The following SPICE1 variants were observed in gnomAD, a reference collection of about 807,000 sequenced individuals.
SPICE1 encodes the protein spindle and centriole associated protein 1.
Under a neutral mutation model 102.7 loss-of-function variants are expected in SPICE1, and 75 were observed. The observed-to-expected ratio is 0.73, with a 90% CI of 0.61 to 0.88. SPICE1 has a LOEUF of 0.88. Among genes scored for constraint, SPICE1 ranks in the 40% least tolerant of loss-of-function variants. SPICE1 has a pLI of 0.00. For missense variants in SPICE1, 979 were observed against 1,020.1 expected (o/e 0.96, Z 0.55); for synonymous variants, 308 against 350.3 (o/e 0.88, Z 1.35).
chr3:113,503,792 A>G lies in SPICE1; in HGVS notation c.100-565T>C, dbSNP rs11921249. 8.2e-3 allele frequency among the ~76,000 whole-genome samples: 1,252 copies of G among 151,974 alleles called. 14 individuals carry two copies. Among genetic ancestry groups the G allele is most frequent in the African/African-American group, 0.028 (1,174 of 41,442 alleles). ...TACTAAAAATACAAAAATTAGCCAG[A>G]CCTGGTGGCGGGCACCTGTAATTCC... On this transcript the variant is annotated intron_variant, in intron 2 of 17. Transcript: ENST00000295872.
At position 113,468,182 on chromosome 3, in the gene SPICE1, G is replaced by A. The variant is rs754576117; in HGVS notation, c.1112C>T (p.Ser371Leu). ...CAGGCGACAGAGGGAGCTCACCAGCGACAAAGTGAAGCCTGTAAGACCCTG... is the reference window on the plus strand; with the variant it reads ...CAGGCGACAGAGGGAGCTCACCAGCAACAAAGTGAAGCCTGTAAGACCCTG... ...SSQGLTGFTLSLVSSLCRLVR... is the reference protein window; with the variant it reads ...SSQGLTGFTLLLVSSLCRLVR... Residue 371 changes from serine (S) to leucine (L), a missense_variant, in exon 10 of 18, where the codon TCG becomes TTG. Transcript: ENST00000295872. 4.5e-5 allele frequency: 72 copies of A among 1,614,002 alleles called. 1 individual carries two copies. The highest frequency in any genetic ancestry group is 6.7e-5 in the Admixed American group (4 of 60,008).
chr3:113,499,778 T>C (rs1432952547), intron 3 of SPICE1, among the ~76,000 whole-genome samples, 196 bp from the exon 4 acceptor site: 1 of 152,186 alleles, frequency 6.6e-6, no homozygotes, highest in South Asian at 2.1e-4. Flanking sequence ...AAGCAGTATA[T>C]AGAACTGGTA....
At chr3:113,492,537 T>C (rs926577482) in intron 6 of SPICE1, among the ~76,000 whole-genome samples, 2 of 152,176 alleles carry the variant, frequency 1.3e-5, no homozygotes, top group African/African-American at 2.4e-5. Flanking sequence ...AATTCTCCCA[T>C]ATAACTAGTT....
intron 17 of SPICE1, 91 bp downstream of exon 17, chr3:113,446,498 C>T: frequency 3.2e-6 from 3 of 937,348 alleles, no homozygotes; most frequent in East Asian, 2.6e-5. Context: ...TTTAGGATAA[C>T]AGGAATGATA....
intron 4 of SPICE1, 104 bp downstream of exon 4, chr3:113,499,335 C>T: frequency 8.3e-7 from 1 of 1,208,460 alleles, no homozygotes. Flanking sequence ...AATAAGAATG[C>T]AGTGATTACT....
rs557542590 is a variant in SPICE1 at position 113,466,550 on chromosome 3, C to T, written c.1156-766G>A. ...TCTTGAACCCAGGAGGCAGAGGTTG[C>T]AGTGAGCCAAGATCATGCCACTGCA... On this transcript the variant is annotated intron_variant, in intron 10 of 17. Transcript: ENST00000295872. 2.7e-3 allele frequency among the ~76,000 whole-genome samples: 412 copies of T among 150,532 alleles called. 1 individual carries two copies. The highest frequency in any genetic ancestry group is 9.9e-3 in the African/African-American group (404 of 40,932).
chr3:113,494,003 G>A, intron 5 of SPICE1, 46 bp downstream of exon 5: 1 of 1,262,366 alleles, frequency 7.9e-7, no homozygotes, highest in South Asian at 1.3e-5. Context: ...AGTCAACTGT[G>A]GGCTACAGTT....
chr3:113,445,772 T>C (rs1935498080), intron 17 of SPICE1, among the ~76,000 whole-genome samples: 2 of 152,326 alleles, frequency 1.3e-5, no homozygotes, highest in South Asian at 2.1e-4. Flanking sequence ...CTCCTAGAAC[T>C]GGACAATTCG....
chr3:113,458,370 A>G (rs951710387), intron 12 of SPICE1, among the ~76,000 whole-genome samples: 9 of 151,558 alleles, frequency 5.9e-5, no homozygotes, highest in Middle Eastern at 3.4e-3. Flanking sequence ...GCGCCACCAC[A>G]CCTGACTGGT....
intron 6 of SPICE1, 68 bp from the exon 7 acceptor site, chr3:113,489,131 TTC>T (rs1386668872): frequency 1.8e-5 from 19 of 1,031,454 alleles, no homozygotes; most frequent in Non-Finnish European, 2.6e-5. Context: ...CTTTTTTTTT[TTC>T]TGTCATAACA....
chr3:113,487,924 G>A (rs7622740), intron 7 of SPICE1, among the ~76,000 whole-genome samples: 29,610 of 152,022 alleles, frequency 0.19, 3,029 homozygotes, highest in African/African-American at 0.25. Context: ...AGTCAAACTA[G>A]AGGGAATTCT....
intron 15 of SPICE1, 195 bp downstream of exon 15, chr3:113,450,141 A>C: frequency 1.7e-6 from 1 of 602,260 alleles, no homozygotes; most frequent in Non-Finnish European, 2.9e-6. Flanking sequence ...ATAGGATAGA[A>C]ATAATCAGGA....
intron 4 of SPICE1, among the ~76,000 whole-genome samples, chr3:113,495,857 A>G (rs1404049504): frequency 6.6e-6 from 1 of 152,132 alleles, no homozygotes; most frequent in African/African-American, 2.4e-5. Flanking sequence ...AAATAAAGAG[A>G]TGGAATTGAC....
At chr3:113,456,534 T>C (rs1935782391) in intron 13 of SPICE1, among the ~76,000 whole-genome samples, 1 of 152,206 alleles carries the variant, frequency 6.6e-6, no homozygotes, top group Non-Finnish European at 1.5e-5. Context: ...CTGAAGACCA[T>C]TCATGAACCC....
intron 4 of SPICE1, among the ~76,000 whole-genome samples, chr3:113,494,536 A>T (rs2107496456): frequency 6.6e-6 from 1 of 151,740 alleles, no homozygotes; most frequent in East Asian, 1.9e-4. Context: ...AGTCCCAGCT[A>T]CTTGGGAGGC....
intron 7 of SPICE1, 126 bp downstream of exon 7, chr3:113,488,818 AC>A: frequency 1.6e-6 from 1 of 608,684 alleles, no homozygotes; most frequent in East Asian, 2.8e-5. Context: ...ATTTGGAAAT[AC>A]CAAAATAAAC....
At position 113,486,306 on chromosome 3, in the gene SPICE1, G is replaced by A. The variant is rs1936647077; in HGVS notation, c.611+2639C>T. On this transcript the variant is annotated intron_variant, in intron 7 of 17. Coordinates refer to ENST00000295872, the MANE Select transcript of SPICE1 (RefSeq NM_144718.4). ...AATTAAAAGAACTAGAGAAGCAAGA[G>A]CAAACAAATTCAAAAGTTAGCAGAA... Among the ~76,000 whole-genome samples, 4 of 149,200 alleles carry A rather than the reference G, an allele frequency of 2.7e-5. No homozygotes were observed. In the South Asian group the frequency reaches 8.4e-4, roughly 31 times the overall value.
chr3:113,476,844 C>T (rs1237121978), intron 7 of SPICE1, among the ~76,000 whole-genome samples: 1 of 150,542 alleles, frequency 6.6e-6, no homozygotes, highest in African/African-American at 2.4e-5. Flanking sequence ...AGAAGAAAAC[C>T]TAGGCATTAC....
At position 113,503,029 on chromosome 3, in the gene SPICE1, G is replaced by C. The variant is rs1937038915; in HGVS notation, c.147+151C>G. On this transcript the variant is annotated intron_variant, in intron 3 of 17. Coordinates refer to ENST00000295872, the MANE Select transcript of SPICE1 (RefSeq NM_144718.4). ...CTAGCTCAAATCAGGAAGTCCAGAA[G>C]ATAGGCGTTTTGATTTTATATAGAC... 4 of 692,750 alleles carry C rather than the reference G, an allele frequency of 5.8e-6. No homozygotes were observed. The East Asian group carries it at 1.2e-4, about 21-fold the overall frequency. 42.9% of individuals were successfully genotyped at this position (692,750 alleles called of 1,614,324 possible). A position where few individuals can be genotyped will look rare whatever the true frequency, so the allele number is the denominator to read the frequency against.
Sources: allele counts gnomAD v4.1 joint callset (sites outside exome capture counted in the v4.1 genomes callset), GRCh38; gene constraint gnomAD v4.1.1; transcripts MANE v1.5; gene names NCBI Gene and HGNC (gene_info 2026-07-23, HGNC 2026-07-21).